The following VPS13C variants were observed in gnomAD, a reference collection of about 807,000 sequenced individuals.
The protein encoded by VPS13C is intermembrane lipid transfer protein VPS13C.
VPS13C carries 358 observed loss-of-function variants against 456.8 expected under a neutral mutation model. That is an observed-to-expected ratio of 0.78 (90% CI 0.72 to 0.86). The LOEUF (loss-of-function observed/expected upper bound fraction) is 0.86, where lower values mean the gene tolerates loss of function less well. VPS13C is among the 40% of genes least tolerant of loss of function. VPS13C has a pLI of 0.00. For missense variants in VPS13C, 4,818 were observed against 4,385.4 expected (o/e 1.10, Z -2.79); for synonymous variants, 1,578 against 1,486.7 (o/e 1.06, Z -1.41).
rs148832782 is a variant in VPS13C, at chr15:61,857,784, G to T, written c.10953-1375C>A. On this transcript the variant is annotated intron_variant, in intron 82 of 84. Coordinates refer to ENST00000644861, the MANE Select transcript of VPS13C (RefSeq NM_020821.3). ...AGTATGGCAGTGGCTCTGAGAAGGG[G>T]GAAGAAAGGGCTAGATTGAGATGTT... Among the ~76,000 whole-genome samples the T allele has an allele frequency of 5.3e-3, 814 of 152,244 alleles. 9 individuals carry two copies. The highest frequency in any genetic ancestry group is 0.019 in the African/African-American group (769 of 41,550).
chr15:62,038,283 T>C (rs1439824196), intron 3 of VPS13C, among the ~76,000 whole-genome samples: 1 of 152,090 alleles, frequency 6.6e-6, no homozygotes, highest in East Asian at 1.9e-4. Flanking sequence ...ATTAAACAAA[T>C]AGGACTTAAC....
intron 50 of VPS13C, among the ~76,000 whole-genome samples, chr15:61,930,700 G>GTT (rs1314725350): frequency 6.6e-6 from 1 of 152,054 alleles, no homozygotes; most frequent in Non-Finnish European, 1.5e-5. Flanking sequence ...TTGCATAACT[G>GTT]TTTTAAAAAG....
At chr15:61,909,196 T>C (rs2043230075) in intron 64 of VPS13C, 71 bp from the exon 65 acceptor site, 10 of 1,571,092 alleles carry the variant, frequency 6.4e-6, no homozygotes, top group Non-Finnish European at 7.8e-6. Context: ...AATTTCAATA[T>C]TACGTAAAAC....
intron 81 of VPS13C, chr15:61,866,137 T>C (rs1894573885): frequency 1.0e-6 from 1 of 984,958 alleles, no homozygotes. Flanking sequence ...CACAGCAAGA[T>C]GGGCAAAGAA....
At chr15:61,969,270 G>T in intron 28 of VPS13C, 29 bp downstream of exon 28, 1 of 1,487,728 alleles carries the variant, frequency 6.7e-7, no homozygotes, top group East Asian at 2.3e-5. Flanking sequence ...TTTATTATAG[G>T]CTATTATTTC....
chr15:61,901,173 A>G (rs147869365), intron 66 of VPS13C, among the ~76,000 whole-genome samples: 84,487 of 149,742 alleles, frequency 0.56, 24,101 homozygotes, highest in Admixed American at 0.63. Flanking sequence ...GAAAACCTAG[A>G]CATTACCATT....
At chr15:62,054,153 T>G (rs2048713767) in intron 1 of VPS13C, among the ~76,000 whole-genome samples, 1 of 152,256 alleles carries the variant, frequency 6.6e-6, no homozygotes, top group South Asian at 2.1e-4. Flanking sequence ...TATGTTACTC[T>G]TAAAACAATT....
chr15:61,894,321 G>GAA (rs796282618), intron 66 of VPS13C, among the ~76,000 whole-genome samples: 5 of 131,014 alleles, frequency 3.8e-5, no homozygotes, highest in Admixed American at 7.7e-5. Flanking sequence ...ACAAAAAGCA[G>GAA]AAAAAAAAAA....
At position 61,951,934 on chromosome 15, in the gene VPS13C, A is replaced by G; in HGVS notation, c.4346T>C (p.Leu1449Ser). 1 of 1,613,832 alleles carries G rather than the reference A, an allele frequency of 6.2e-7. No individual in the cohort carries two copies. ...AAGTTGCAGGACATTTAGCTCATGT[A>G]AAGGCCTTCCTTTCTTTTCTGATTT... ...MKKSEKKGRP[L>S]HELNVLQLGM... is the part of the protein sequence containing the mutation. The change falls in exon 39 of 85, where the codon TTA becomes TCA. Residue 1449 changes from leucine to serine, a missense_variant. This residue lies in a region of VPS13C where 4,552 missense variants were observed against 4,130.6 expected (regional missense o/e 1.10). Coordinates refer to ENST00000644861, the MANE Select transcript of VPS13C (RefSeq NM_020821.3).
chr15:61,955,259 C>T (rs538617025), intron 37 of VPS13C, among the ~76,000 whole-genome samples: 15 of 152,240 alleles, frequency 9.9e-5, no homozygotes, highest in Admixed American at 2.6e-4. Context: ...TATGACATCT[C>T]TTTGAGATAA....
chr15:61,854,175 T>G lies in VPS13C; in HGVS notation c.*282A>C. On this transcript the variant is annotated 3_prime_UTR_variant, in exon 85 of 85. Transcript: ENST00000644861. ...CCTATTGACCTTTGCTTCACAATTT[T>G]AATATTAATGAAAATTTCATTCTGA... is the stretch of plus-strand genomic sequence containing the variant. 2.2e-6 allele frequency: 1 copy of G among 448,066 alleles called. No homozygotes were observed. Among genetic ancestry groups the G allele is most frequent in the South Asian group, 3.8e-5 (1 of 26,090 alleles). The allele number at this position is 448,066 out of a possible 1,614,324, so 27.8% of individuals were successfully genotyped here.
chr15:61,902,871 G>T (rs944159374), intron 66 of VPS13C, among the ~76,000 whole-genome samples: 4 of 135,114 alleles, frequency 3.0e-5, no homozygotes, highest in African/African-American at 1.1e-4. Flanking sequence ...AGAAAAAAAG[G>T]GCATCCAAAT....
chr15:61,856,635 TGTCA>T (rs1426106460), intron 82 of VPS13C: 1 of 347,668 alleles, frequency 2.9e-6, no homozygotes, highest in African/African-American at 2.2e-5. Flanking sequence ...ATTCCCCTTC[TGTCA>T]ATCTTGCAGA....
intron 63 of VPS13C, 134 bp from the exon 64 acceptor site, chr15:61,910,439 T>A (rs10851705): frequency 1.7e-6 from 1 of 592,502 alleles, no homozygotes; most frequent in East Asian, 4.7e-5. Context: ...ATATGTCCTC[T>A]ACATCTCATA....
intron 22 of VPS13C, among the ~76,000 whole-genome samples, chr15:61,981,077 G>T (rs144560316): frequency 1.3e-5 from 2 of 152,102 alleles, no homozygotes; most frequent in African/African-American, 4.8e-5. Flanking sequence ...TGAAAACTAC[G>T]AATGCTTCTT....
At chr15:62,016,561 G>A (rs28638781) in intron 9 of VPS13C, among the ~76,000 whole-genome samples, 256 of 151,604 alleles carry the variant, frequency 1.7e-3, no homozygotes, top group African/African-American at 5.8e-3. Flanking sequence ...TGAGAATGAT[G>A]GTTTCCAGCT....
chr15:61,865,674 G>T, intron 81 of VPS13C: 1 of 368,138 alleles, frequency 2.7e-6, no homozygotes, highest in Non-Finnish European at 3.8e-6. Context: ...GTATATATGT[G>T]TATATTTGTA....
At chr15:61,893,876 G>A (rs950138668) in intron 66 of VPS13C, among the ~76,000 whole-genome samples, 4 of 151,702 alleles carry the variant, frequency 2.6e-5, no homozygotes, top group Non-Finnish European at 5.9e-5. Context: ...AAGCCTCATA[G>A]TAACCACAAA....
chr15:61,857,056 G>A (rs1290142846), intron 82 of VPS13C, among the ~76,000 whole-genome samples: 1 of 152,104 alleles, frequency 6.6e-6, no homozygotes, highest in Non-Finnish European at 1.5e-5. Context: ...TGATTTCTCA[G>A]TGTGTGATTC....
Sources: allele counts gnomAD v4.1 joint callset (sites outside exome capture counted in the v4.1 genomes callset), GRCh38; gene constraint gnomAD v4.1.1; regional missense constraint gnomAD v4.1.1; transcripts MANE v1.5; gene names NCBI Gene and HGNC (gene_info 2026-07-23, HGNC 2026-07-21).